Variants in GYS2 observed in about 807,000 individuals in gnomAD.
GYS2 encodes glycogen [starch] synthase, liver.
In GYS2, 80 loss-of-function variants were observed where a neutral mutation model predicts 85.6. The ratio of observed to expected loss-of-function variants is 0.93; its 90% confidence interval spans 0.78 to 1.13. The LOEUF is 1.13. Ranked by LOEUF, GYS2 falls within the 50% of genes most tolerant of loss-of-function variation. GYS2 has a pLI of 0.00. For missense variants in GYS2, 881 were observed against 854.9 expected (o/e 1.03, Z -0.38); for synonymous variants, 328 against 300.7 (o/e 1.09, Z -0.94).
chr12:21,547,849 G>A (rs1415652955), intron 11 of GYS2, among the ~76,000 whole-genome samples: 1 of 152,096 alleles, frequency 6.6e-6, no homozygotes, highest in East Asian at 1.9e-4. Context: ...GTCTATGCAT[G>A]GGAAGGGCCA....
intron 11 of GYS2, among the ~76,000 whole-genome samples, chr12:21,553,348 T>A (rs1871145): frequency 1.2e-4 from 18 of 152,148 alleles, no homozygotes; most frequent in South Asian, 6.2e-4. Context: ...AAATACAGTC[T>A]TCATGGACTT....
At chr12:21,532,748 T>G (rs1007303897), downstream of GYS2, 1 of 152,232 alleles carries the variant, frequency 6.6e-6, no homozygotes, top group African/African-American at 2.4e-5. Context: ...CAAAGAACAC[T>G]TTTAACATCT....
chr12:21,576,042 A>T lies in GYS2; in HGVS notation c.319T>A (p.Trp107Arg), dbSNP rs1215714641. The change falls in exon 3 of 16, where the codon TGG becomes AGG. Residue 107 changes from tryptophan to arginine, a missense_variant. Coordinates refer to ENST00000261195, the MANE Select transcript of GYS2 (RefSeq NM_021957.4). ...KHGCQVHFGRWLIEGSPYVVL... is the reference protein window; with the variant it reads ...KHGCQVHFGRRLIEGSPYVVL... Reference sequence around the variant, plus strand: ...ACATAAGGACTTCCTTCTATCAGCCATCTTCCAAAATGCACCTGTCATATA... The same window carrying T: ...ACATAAGGACTTCCTTCTATCAGCCTTCTTCCAAAATGCACCTGTCATATA... 3.1e-6 allele frequency: 5 copies of T among 1,612,810 alleles called. No homozygotes were observed. The South Asian group carries it at 5.5e-5, about 18-fold the overall frequency.
chr12:21,563,410 A>C (rs1342959610), intron 5 of GYS2, 65 bp from the exon 6 acceptor site: 2 of 847,548 alleles, frequency 2.4e-6, no homozygotes, highest in African/African-American at 1.7e-5. Context: ...TTGTAGAAAA[A>C]AGTATCTTTA....
At chr12:21,593,584 G>C (rs1485822616) in intron 1 of GYS2, among the ~76,000 whole-genome samples, 1 of 151,856 alleles carries the variant, frequency 6.6e-6, no homozygotes, top group Non-Finnish European at 1.5e-5. Context: ...TAGAAAACCT[G>C]AACAGACCAG....
At chr12:21,593,061 A>C (rs1565612308) in intron 1 of GYS2, among the ~76,000 whole-genome samples, 1 of 152,084 alleles carries the variant, frequency 6.6e-6, no homozygotes, top group Non-Finnish European at 1.5e-5. Flanking sequence ...TTAAGAAGGA[A>C]ATCAAAAATT....
chr12:21,592,611 C>G (rs1944651999), intron 1 of GYS2, among the ~76,000 whole-genome samples: 1 of 152,024 alleles, frequency 6.6e-6, no homozygotes, highest in African/African-American at 2.4e-5. Flanking sequence ...CATTCACACT[C>G]AACACCAGAG....
At chr12:21,558,443 A>T (rs1322580456) in intron 10 of GYS2, 130 bp from the exon 11 acceptor site, 6 of 685,166 alleles carry the variant, frequency 8.8e-6, no homozygotes, top group Middle Eastern at 2.4e-4. Flanking sequence ...ACTAATGATG[A>T]TGACTAAGTC....
At position 21,587,792 on chromosome 12, in the gene GYS2, T is replaced by C. The variant is rs1944591192; in HGVS notation, c.122-7269A>G. Among the ~76,000 whole-genome samples the C allele has an allele frequency of 2.0e-5, 3 of 151,976 alleles. No individual in the cohort carries two copies. The South Asian group carries it at 6.2e-4, about 32-fold the overall frequency. ...ATTGAGCAAGCAAAATATCACTTAA[T>C]GGGGTAATTAAAAGGGTGAAGAAAT... On this transcript the variant is annotated intron_variant, in intron 1 of 15. Transcript: ENST00000261195.
At chr12:21,538,895 T>C (rs1943940151) in intron 15 of GYS2, among the ~76,000 whole-genome samples, 1 of 152,214 alleles carries the variant, frequency 6.6e-6, no homozygotes, top group Non-Finnish European at 1.5e-5. Context: ...TACTCTATTT[T>C]ACTCTTGCCA....
At chr12:21,568,522 A>C (rs1944349271) in intron 5 of GYS2, among the ~76,000 whole-genome samples, 1 of 152,198 alleles carries the variant, frequency 6.6e-6, no homozygotes, top group African/African-American at 2.4e-5. Flanking sequence ...GTCTCACACA[A>C]ATTTCTGTTT....
intron 1 of GYS2, among the ~76,000 whole-genome samples, chr12:21,591,358 A>T (rs148925047): frequency 5.9e-5 from 9 of 152,210 alleles, no homozygotes; most frequent in African/African-American, 2.2e-4. Flanking sequence ...TACAAAATAC[A>T]TTCAAAAACT....
intron 1 of GYS2, among the ~76,000 whole-genome samples, chr12:21,593,773 T>G (rs948759906): frequency 6.6e-6 from 1 of 152,154 alleles, no homozygotes; most frequent in African/African-American, 2.4e-5. Context: ...GAGGCCAGTA[T>G]TATCCTGATT....
chr12:21,590,019 C>T (rs1241205291), intron 1 of GYS2, among the ~76,000 whole-genome samples: 1 of 152,070 alleles, frequency 6.6e-6, no homozygotes, highest in Admixed American at 6.5e-5. Context: ...GAAGTGGACT[C>T]CCCCACCCCC....
chr12:21,588,322 A>G (rs988326545), intron 1 of GYS2, among the ~76,000 whole-genome samples: 1 of 152,234 alleles, frequency 6.6e-6, no homozygotes, highest in Non-Finnish European at 1.5e-5. Flanking sequence ...ATCAATAGTC[A>G]CAATCAATGG....
intron 4 of GYS2, among the ~76,000 whole-genome samples, chr12:21,573,779 C>T (rs1314642609): frequency 3.3e-5 from 5 of 152,216 alleles, no homozygotes; most frequent in Non-Finnish European, 7.3e-5. Flanking sequence ...CAATTATCTA[C>T]CTGCCACTCA....
intron 14 of GYS2, 117 bp downstream of exon 14, chr12:21,540,293 T>C: frequency 1.1e-6 from 1 of 938,892 alleles, no homozygotes; most frequent in South Asian, 1.4e-5. Context: ...ATGGAGACAC[T>C]GAGATTTTAA....
At chr12:21,579,853 A>T (rs545712816) in intron 2 of GYS2, among the ~76,000 whole-genome samples, 1 of 152,124 alleles carries the variant, frequency 6.6e-6, no homozygotes, top group Non-Finnish European at 1.5e-5. Flanking sequence ...ACTTAATCAC[A>T]TCTGCCATAT....
chr12:21,575,925 C>A lies in GYS2; in HGVS notation c.436G>T (p.Asp146Tyr), dbSNP rs187237403. 2 of 1,613,914 alleles carry A rather than the reference C, an allele frequency of 1.2e-6. No homozygotes were observed. Among genetic ancestry groups the A allele is most frequent in the Non-Finnish European group, 1.7e-6 (2 of 1,179,850 alleles). The stretch of plus-strand genomic sequence containing the variant: ...ATCAGCATATCATTGGCTTCTCGGT[C>A]ATGATAAGGAATGCCGACACTGCAT... The part of the protein sequence containing the change: ...EACSVGIPYH[D>Y]REANDMLIFG... Residue 146 changes from aspartate (D) to tyrosine (Y), a missense_variant, in exon 3 of 16, where the codon GAC becomes TAC. Asp to Tyr is a radical substitution (Grantham distance 160, BLOSUM62 -3). Coordinates refer to ENST00000261195, the MANE Select transcript of GYS2 (RefSeq NM_021957.4).
Sources: allele counts gnomAD v4.1 joint callset (sites outside exome capture counted in the v4.1 genomes callset), GRCh38; gene constraint gnomAD v4.1.1; transcripts MANE v1.5; gene names NCBI Gene and HGNC (gene_info 2026-07-23, HGNC 2026-07-21).